The following PLEKHA8 variants were observed in gnomAD, a reference collection of about 807,000 sequenced individuals.
PLEKHA8 encodes pleckstrin homology domain-containing family A member 8.
Under a neutral mutation model 68.2 loss-of-function variants are expected in PLEKHA8, and 36 were observed. The observed-to-expected ratio is 0.53, with a 90% CI of 0.40 to 0.70. The LOEUF is 0.70. Among genes scored for constraint, PLEKHA8 ranks in the 30% least tolerant of loss-of-function variants. PLEKHA8 has a pLI of 0.00. For missense variants in PLEKHA8, 505 were observed against 615.4 expected (o/e 0.82, Z 1.90); for synonymous variants, 211 against 216.1 (o/e 0.98, Z 0.20).
intron 3 of PLEKHA8, among the ~76,000 whole-genome samples, chr7:30,046,909 A>G (rs1398432198): frequency 6.6e-6 from 1 of 152,094 alleles, no homozygotes; most frequent in Non-Finnish European, 1.5e-5. Flanking sequence ...TTCACTGGAC[A>G]TTGTTAAGTT....
At chr7:30,074,799 A>G (rs1442248555) in intron 13 of PLEKHA8, among the ~76,000 whole-genome samples, 1 of 152,096 alleles carries the variant, frequency 6.6e-6, no homozygotes, top group African/African-American at 2.4e-5. Context: ...TTTTGTATTC[A>G]TGTGTTTTGG....
intron 1 of PLEKHA8, among the ~76,000 whole-genome samples, chr7:30,034,846 T>C (rs1332265630): frequency 6.6e-6 from 1 of 152,220 alleles, no homozygotes; most frequent in Non-Finnish European, 1.5e-5. Context: ...CACAAAAGTT[T>C]TAAATTTTGA....
chr7:30,075,707 G>A (rs76153736), intron 13 of PLEKHA8, among the ~76,000 whole-genome samples: 3,226 of 152,226 alleles, frequency 0.021, 51 homozygotes, highest in East Asian at 0.04. Context: ...CACTTGAGTT[G>A]CCCCAAAACA....
At chr7:30,088,428 C>T (rs2128004145), downstream of PLEKHA8, among the ~76,000 whole-genome samples, 1 of 152,092 alleles carries the variant, frequency 6.6e-6, no homozygotes, top group Middle Eastern at 3.4e-3. Context: ...TCTCCCAGAC[C>T]ACTAAAATCA....
Position 30,080,839 on chromosome 7 carries a change from GAA to G in PLEKHA8, c.*2056_*2057del. 1.0e-6 allele frequency: 1 copy of G among 985,204 alleles called. No individual in the cohort carries two copies. The highest frequency in any genetic ancestry group is 1.2e-6 in the Non-Finnish European group (1 of 829,878). The allele number at this position is 985,204 out of a possible 1,614,324, so 61.0% of individuals were successfully genotyped here. ...GCCCTTGACATAGCCCCCTAAAACG[GAA>G]AAAGAAAAAGCCAGTTTTTGCTTGT... On this transcript the variant is annotated 3_prime_UTR_variant, in exon 14 of 14. Transcript: ENST00000449726.
Position 30,080,564 on chromosome 7 carries a change from A to G in PLEKHA8, c.*1777A>G. 1 of 985,348 alleles carries G rather than the reference A, an allele frequency of 1.0e-6. No homozygotes were observed. Among genetic ancestry groups the G allele is most frequent in the Non-Finnish European group, 1.2e-6 (1 of 829,898 alleles). 61.0% of individuals were successfully genotyped at this position (985,348 alleles called of 1,614,324 possible). A position where few individuals can be genotyped will look rare whatever the true frequency, so the allele number is the denominator to read the frequency against. On this transcript the variant is annotated 3_prime_UTR_variant, in exon 14 of 14. Coordinates refer to ENST00000449726, the MANE Select transcript of PLEKHA8 (RefSeq NM_001197026.2). The stretch of plus-strand genomic sequence containing the variant: ...TTTGTGTGTCTTTAAACAAATGAAC[A>G]TTTATTTAGCTCAGATTAATTAGGT...
intron 1 of PLEKHA8, among the ~76,000 whole-genome samples, chr7:30,039,810 A>G (rs1317876882): frequency 6.6e-6 from 1 of 152,030 alleles, no homozygotes; most frequent in African/African-American, 2.4e-5. Flanking sequence ...GATGTCTTTT[A>G]TTTCACTTAT....
intron 12 of PLEKHA8, among the ~76,000 whole-genome samples, chr7:30,089,937 G>C (rs2128005106): frequency 6.6e-6 from 1 of 152,240 alleles, no homozygotes; most frequent in Admixed American, 6.5e-5. Flanking sequence ...CAGAAGAAAA[G>C]GCTTGAAATG....
At chr7:30,029,972 A>G (rs1268402467) in intron 1 of PLEKHA8, among the ~76,000 whole-genome samples, 1 of 152,198 alleles carries the variant, frequency 6.6e-6, no homozygotes, top group East Asian at 1.9e-4. Context: ...GTAATCATTA[A>G]TAGAGACTAA....
At position 30,045,163 on chromosome 7, in the gene PLEKHA8, G is replaced by A; in HGVS notation, c.119G>A (p.Cys40Tyr). 1.9e-6 allele frequency: 3 copies of A among 1,611,550 alleles called. No individual in the cohort carries two copies. The highest frequency in any genetic ancestry group is 2.5e-6 in the Non-Finnish European group (3 of 1,178,474). Residue 40 changes from cysteine (C) to tyrosine (Y), a missense_variant, in exon 2 of 14, where the codon TGC becomes TAC. Physicochemically the swap from Cys to Tyr is radical, Grantham distance 194 (BLOSUM62 -2). Transcript: ENST00000449726. ...TCTCCTGAAGATGCCTGGAAAGGTT[G>A]CAAAGGGAGCATACAAATGGCAGTC... ...YDSPEDAWKGCKGSIQMAVCE... is the reference protein window; with the variant it reads ...YDSPEDAWKGYKGSIQMAVCE...
intron 13 of PLEKHA8, among the ~76,000 whole-genome samples, chr7:30,075,829 A>T (rs1200283101): frequency 6.6e-6 from 1 of 152,166 alleles, no homozygotes; most frequent in Non-Finnish European, 1.5e-5. Context: ...TATCAGCATA[A>T]ATCTTTTTTT....
intron 1 of PLEKHA8, among the ~76,000 whole-genome samples, chr7:30,036,714 G>A (rs901809729): frequency 3.3e-5 from 5 of 152,174 alleles, no homozygotes; most frequent in Admixed American, 6.6e-5. Flanking sequence ...TGTAATTATA[G>A]TCTTCTTACC....
At chr7:30,092,795 T>G (rs1795469321), downstream of PLEKHA8, among the ~76,000 whole-genome samples, 1 of 152,208 alleles carries the variant, frequency 6.6e-6, no homozygotes, top group Admixed American at 6.5e-5. Context: ...GACTATGTAT[T>G]TAGAGACTGG....
chr7:30,079,062 C>T lies in PLEKHA8; in HGVS notation c.*275C>T. On this transcript the variant is annotated 3_prime_UTR_variant, in exon 14 of 14. Transcript: ENST00000449726. ...CAGCAAGTTATAAGAGCAGATTTAACAAACAAATTTGCTGTTATTGTGTAT... is the reference window on the plus strand; with the variant it reads ...CAGCAAGTTATAAGAGCAGATTTAATAAACAAATTTGCTGTTATTGTGTAT... 1.7e-6 allele frequency: 2 copies of T among 1,187,164 alleles called. No individual in the cohort carries two copies. The highest frequency in any genetic ancestry group is 3.1e-5 in the African/African-American group (2 of 63,982). The allele number at this position is 1,187,164 out of a possible 1,614,324, so 73.5% of individuals were successfully genotyped here. A position where few individuals can be genotyped will look rare whatever the true frequency, so the allele number is the denominator to read the frequency against.
intron 13 of PLEKHA8, among the ~76,000 whole-genome samples, chr7:30,107,272 T>C (rs549434338): frequency 6.6e-6 from 1 of 152,290 alleles, no homozygotes; most frequent in South Asian, 2.1e-4. Context: ...GTAAAACTTT[T>C]GTTTTACAAT....
intron 1 of PLEKHA8, among the ~76,000 whole-genome samples, chr7:30,034,734 G>T (rs534532799): frequency 6.6e-6 from 1 of 152,256 alleles, no homozygotes; most frequent in African/African-American, 2.4e-5. Context: ...AAGAAAATCC[G>T]CATGTGCACG....
intron 10 of PLEKHA8, 83 bp downstream of exon 10, chr7:30,061,025 C>A: frequency 3.0e-6 from 4 of 1,319,246 alleles, no homozygotes; most frequent in Admixed American, 3.9e-5. Flanking sequence ...CAGAATAAAT[C>A]AAAAAGTGAA....
At chr7:30,130,420 G>C (rs1340817776), downstream of PLEKHA8, 2 of 152,118 alleles carry the variant, frequency 1.3e-5, no homozygotes, top group Non-Finnish European at 2.9e-5. Flanking sequence ...TACGGGCAAG[G>C]GGGAATCATT....
At chr7:30,117,906 A>G in intron 13 of PLEKHA8, 2 of 1,122,430 alleles carry the variant, frequency 1.8e-6, no homozygotes, top group Non-Finnish European at 2.6e-6. Context: ...GATTGCCAAG[A>G]CTTTATTCAT....
Sources: gnomAD v4.1 joint callset for allele counts (sites outside exome capture counted in the v4.1 genomes callset) on GRCh38, gnomAD v4.1.1 for gene constraint, MANE v1.5 for transcripts, NCBI Gene and HGNC (gene_info 2026-07-23, HGNC 2026-07-21) for gene names.